Variants in KATNAL2 observed in about 807,000 individuals in gnomAD.
KATNAL2 encodes the protein katanin catalytic subunit A1 like 2, also known as katanin p60 ATPase-containing subunit A-like 2.
In KATNAL2, 52 loss-of-function variants were observed where a neutral mutation model predicts 76.3. The observed-to-expected ratio is 0.68, with a 90% CI of 0.55 to 0.86. KATNAL2 has a LOEUF of 0.86. Ranked by LOEUF, KATNAL2 falls within the 40% of genes least tolerant of loss-of-function variation. The pLI is 0.00. For missense variants in KATNAL2, 660 were observed against 668.9 expected (o/e 0.99, Z 0.15); for synonymous variants, 243 against 244.2 (o/e 1.00, Z 0.05).
At chr18:47,046,562 C>T in intron 4 of KATNAL2, 35 bp downstream of exon 4, 1 of 1,346,830 alleles carries the variant, frequency 7.4e-7, no homozygotes, top group South Asian at 1.3e-5. Context: ...AGAGATGATT[C>T]CTCTTTCTCT....
At chr18:46,958,078 A>G (rs1302026708) in intron 3 of KATNAL2, among the ~76,000 whole-genome samples, 2 of 152,234 alleles carry the variant, frequency 1.3e-5, no homozygotes, top group Non-Finnish European at 2.9e-5. Context: ...TCCCACATGT[A>G]AGAGGGAATT....
chr18:47,042,223 T>G (rs2147025770), intron 3 of KATNAL2, among the ~76,000 whole-genome samples: 1 of 152,360 alleles, frequency 6.6e-6, no homozygotes, highest in East Asian at 1.9e-4. Flanking sequence ...TTTGAACTTC[T>G]GAGAGCCCTG....
At chr18:47,087,192 G>A (rs901886331) in intron 15 of KATNAL2, among the ~76,000 whole-genome samples, 2 of 151,744 alleles carry the variant, frequency 1.3e-5, no homozygotes, top group Non-Finnish European at 2.9e-5. Context: ...TTACTCTTTT[G>A]GTTATTTTAA....
chr18:47,034,898 A>G lies in KATNAL2; in HGVS notation c.52-11559A>G, dbSNP rs193920804. The stretch of plus-strand genomic sequence containing the variant: ...GTCCGTCTGTGCTCAGGGCTGTGAG[A>G]TGGGCTCCTGGGGGCCGTCGCGTTT... On this transcript the variant is annotated intron_variant, in intron 3 of 17. Coordinates refer to ENST00000683218, the MANE Select transcript of KATNAL2 (RefSeq NM_001387690.1). 2 of 1,611,898 alleles carry G rather than the reference A, an allele frequency of 1.2e-6. No individual in the cohort carries two copies. The highest frequency in any genetic ancestry group is 1.7e-6 in the Non-Finnish European group (2 of 1,179,888).
chr18:46,929,352 C>T (rs2058834735), intron 1 of KATNAL2, among the ~76,000 whole-genome samples: 1 of 152,004 alleles, frequency 6.6e-6, no homozygotes, highest in Non-Finnish European at 1.5e-5. Context: ...AAGCAATTCT[C>T]CTGCCTCAGC....
At chr18:46,927,704 C>T (rs1256433242) in intron 1 of KATNAL2, among the ~76,000 whole-genome samples, 9 of 152,148 alleles carry the variant, frequency 5.9e-5, no homozygotes, top group Non-Finnish European at 1.0e-4. Flanking sequence ...CCATTCTCCC[C>T]GTCATTTTCA....
intron 1 of KATNAL2, chr18:46,919,921 C>A: frequency 2.2e-6 from 1 of 451,206 alleles, no homozygotes; most frequent in Non-Finnish European, 4.2e-6. Context: ...AAGTGAATGC[C>A]ACTGTGGGAG....
intron 1 of KATNAL2, among the ~76,000 whole-genome samples, chr18:46,922,082 A>T (rs1002783852): frequency 1.3e-5 from 2 of 151,482 alleles, no homozygotes; most frequent in African/African-American, 2.4e-5. Flanking sequence ...ACAAGGAATT[A>T]AAAAAAAATT....
At chr18:47,050,735 C>T (rs371556384) in intron 4 of KATNAL2, among the ~76,000 whole-genome samples, 7 of 152,116 alleles carry the variant, frequency 4.6e-5, no homozygotes, top group African/African-American at 4.8e-5. Context: ...TCTGCCTTAA[C>T]GAAGTTCTAC....
At chr18:46,931,135 A>ATAG (rs2058902927) in intron 1 of KATNAL2, among the ~76,000 whole-genome samples, 1 of 140,146 alleles carries the variant, frequency 7.1e-6, no homozygotes, top group Non-Finnish European at 1.5e-5. Flanking sequence ...AATAATAATA[A>ATAG]TAATAAATAA....
intron 10 of KATNAL2, among the ~76,000 whole-genome samples, chr18:47,064,512 G>T (rs1419984823): frequency 6.6e-6 from 1 of 152,118 alleles, no homozygotes; most frequent in African/African-American, 2.4e-5. Context: ...CCCGTCGGAG[G>T]ATGGGATCAT....
intron 1 of KATNAL2, among the ~76,000 whole-genome samples, chr18:46,929,935 G>A (rs931174656): frequency 9.2e-5 from 14 of 151,698 alleles, no homozygotes; most frequent in African/African-American, 1.9e-4. Context: ...CCACCACGCC[G>A]GGCTAATTTT....
chr18:46,955,422 T>A (rs2146741986), intron 3 of KATNAL2, among the ~76,000 whole-genome samples: 1 of 151,116 alleles, frequency 6.6e-6, no homozygotes, highest in East Asian at 2.0e-4. Context: ...CGGGGTTTCT[T>A]CTTGTTGATC....
At chr18:47,086,681 A>C (rs972357086) in intron 15 of KATNAL2, among the ~76,000 whole-genome samples, 4 of 152,300 alleles carry the variant, frequency 2.6e-5, no homozygotes, top group African/African-American at 9.6e-5. Context: ...GGAATTACTT[A>C]CATACAACAC....
intron 3 of KATNAL2, among the ~76,000 whole-genome samples, chr18:47,031,165 G>A (rs1316260688): frequency 1.4e-5 from 2 of 145,840 alleles, no homozygotes; most frequent in African/African-American, 5.1e-5. Flanking sequence ...CATCTCCTGT[G>A]ACCAATCTTG....
chr18:47,058,129 C>A (rs1649166289), intron 6 of KATNAL2, 106 bp from the exon 7 acceptor site: 1 of 810,260 alleles, frequency 1.2e-6, no homozygotes, highest in Non-Finnish European at 2.1e-6. Context: ...ACCTGCATAT[C>A]TTTCAATAGC....
At chr18:47,059,034 A>G (rs2061552336) in intron 7 of KATNAL2, among the ~76,000 whole-genome samples, 1 of 152,246 alleles carries the variant, frequency 6.6e-6, no homozygotes, top group African/African-American at 2.4e-5. Flanking sequence ...AATTAAAAAA[A>G]TTAATGTCAA....
intron 1 of KATNAL2, among the ~76,000 whole-genome samples, chr18:46,922,902 A>G (rs1452018593): frequency 6.7e-6 from 1 of 148,184 alleles, no homozygotes; most frequent in African/African-American, 2.4e-5. Flanking sequence ...ATATTAATAT[A>G]ATATATATTT....
chr18:47,069,660 T>A (rs201060680), intron 13 of KATNAL2, 60 bp downstream of exon 13: 1 of 1,113,850 alleles, frequency 9.0e-7, no homozygotes, highest in East Asian at 2.4e-5. Context: ...TGGTACAAAA[T>A]GATGTCAGAG....
Sources: gnomAD v4.1 joint callset for allele counts (sites outside exome capture counted in the v4.1 genomes callset) on GRCh38, gnomAD v4.1.1 for gene constraint, MANE v1.5 for transcripts, NCBI Gene and HGNC (gene_info 2026-07-23, HGNC 2026-07-21) for gene names.